Variants in DPP6 observed in about 807,000 individuals in gnomAD.
DPP6 encodes the protein dipeptidyl peptidase like 6.
In DPP6, 69 loss-of-function variants were observed where a neutral mutation model predicts 122.6. The observed-to-expected ratio is 0.56, with a 90% CI of 0.46 to 0.69. DPP6 has a LOEUF of 0.69. Among genes scored for constraint, DPP6 ranks in the 30% least tolerant of loss-of-function variants. DPP6 has a pLI of 0.00. For synonymous variants in DPP6, 418 were observed against 433.1 expected, an observed-to-expected ratio of 0.97 and a Z score of 0.43; for missense variants, 928 against 1,116.9, an observed-to-expected ratio of 0.83 and a Z score of 2.41.
chr7:154,467,103 C>T (rs986674147), intron 2 of DPP6, among the ~76,000 whole-genome samples: 31 of 152,190 alleles, frequency 2.0e-4, no homozygotes, highest in African/African-American at 7.0e-4. Context: ...TTCCAAACAA[C>T]TTCTAAATTC....
chr7:154,142,023 A>G (rs962217515), intron 1 of DPP6, among the ~76,000 whole-genome samples: 4 of 152,240 alleles, frequency 2.6e-5, no homozygotes, highest in African/African-American at 9.6e-5. Context: ...GATTCTAGCT[A>G]AAGTTTATGC....
chr7:154,522,336 C>G (rs564170810), intron 3 of DPP6, among the ~76,000 whole-genome samples: 6 of 152,148 alleles, frequency 3.9e-5, no homozygotes, highest in Non-Finnish European at 7.3e-5. Flanking sequence ...GTCAGGTTAT[C>G]CCGCCACGTA....
At chr7:154,262,770 C>T (rs7384911) in intron 1 of DPP6, among the ~76,000 whole-genome samples, 53,143 of 151,692 alleles carry the variant, frequency 0.35, 9,985 homozygotes, top group Non-Finnish European at 0.44. Flanking sequence ...AATGCAGCTT[C>T]TCTGATTTTG....
intron 1 of DPP6, 58 bp downstream of exon 1, chr7:154,053,121 G>A (rs1430238877): frequency 4.3e-5 from 44 of 1,015,510 alleles, no homozygotes; most frequent in Non-Finnish European, 5.1e-5. Context: ...AGCGCGCAGC[G>A]AGACGCGTCG....
At chr7:154,440,409 C>T (rs1819270404) in intron 1 of DPP6, among the ~76,000 whole-genome samples, 2 of 152,264 alleles carry the variant, frequency 1.3e-5, no homozygotes, top group Admixed American at 6.5e-5. Flanking sequence ...AGGAAAGGAG[C>T]ATCTCGGGGA....
chr7:154,204,099 C>T (rs1408012244), intron 1 of DPP6, among the ~76,000 whole-genome samples: 1 of 152,166 alleles, frequency 6.6e-6, no homozygotes, highest in African/African-American at 2.4e-5. Flanking sequence ...ATTTACCTGC[C>T]TGGTCATCCT....
chr7:153,757,512 TCG>T, the DPP6 span, among the ~76,000 whole-genome samples: 42 of 152,132 alleles, frequency 2.8e-4, no homozygotes, highest in African/African-American at 9.7e-4. Context: ...ATCAGTAGAC[TCG>T]ATCTTAGCAT....
the DPP6 span, among the ~76,000 whole-genome samples, chr7:153,803,732 T>C: frequency 1.3e-5 from 2 of 151,466 alleles, no homozygotes; most frequent in African/African-American, 4.8e-5. Flanking sequence ...ATACAATATG[T>C]AAAATCTCCT....
At chr7:153,866,689 A>G in the DPP6 span, among the ~76,000 whole-genome samples, 36 of 152,240 alleles carry the variant, frequency 2.4e-4, 1 homozygote, top group East Asian at 5.6e-3. Flanking sequence ...TTTTGTTGCC[A>G]TTGCTTTTGG....
Position 154,486,538 on chromosome 7 carries a change from C to G in DPP6, c.457+11501C>G, listed in dbSNP as rs1001540828. On this transcript the variant is annotated intron_variant, in intron 3 of 25. Transcript: ENST00000377770. The surrounding 1 kb of genome is among the most constrained non-coding windows in gnomAD (Gnocchi z 4.5). The stretch of plus-strand genomic sequence containing the variant: ...GAAAATACCGTTGCTCATCACTTCT[C>G]TGCTTCAGAAAGTCTCATTAATCCT... 6.6e-6 allele frequency among the ~76,000 whole-genome samples: 1 copy of G among 152,218 alleles called. No individual in the cohort carries two copies. Among genetic ancestry groups the G allele is most frequent in the African/African-American group, 2.4e-5 (1 of 41,456 alleles).
intron 1 of DPP6, among the ~76,000 whole-genome samples, chr7:154,363,609 C>A (rs1473487784): frequency 2.0e-5 from 3 of 152,082 alleles, no homozygotes; most frequent in Admixed American, 1.3e-4. Flanking sequence ...TGTCTGAGCA[C>A]GTGCGCGGAA....
chr7:154,764,798 G>A (rs1795799681), intron 8 of DPP6, among the ~76,000 whole-genome samples: 1 of 152,132 alleles, frequency 6.6e-6, no homozygotes, highest in Admixed American at 6.5e-5. Flanking sequence ...CTATACCCTA[G>A]GGAATTGTGT....
chr7:154,124,354 G>T (rs1807722543), intron 1 of DPP6, among the ~76,000 whole-genome samples: 1 of 152,090 alleles, frequency 6.6e-6, no homozygotes, highest in Non-Finnish European at 1.5e-5. Context: ...GGGGAGGAGG[G>T]TGAGAGCATG....
intron 1 of DPP6, among the ~76,000 whole-genome samples, chr7:154,260,869 C>T (rs1289392160): frequency 6.6e-6 from 1 of 151,380 alleles, no homozygotes; most frequent in African/African-American, 2.4e-5. Context: ...ATTGCTAGAT[C>T]AAATGGTAGT....
At chr7:154,211,730 C>T (rs1192242222) in intron 1 of DPP6, among the ~76,000 whole-genome samples, 1 of 152,166 alleles carries the variant, frequency 6.6e-6, no homozygotes, top group Non-Finnish European at 1.5e-5. Context: ...CAGTGGCCCT[C>T]GTGCAACTGC....
At chr7:154,089,018 T>C (rs1048331798) in intron 1 of DPP6, among the ~76,000 whole-genome samples, 1 of 151,996 alleles carries the variant, frequency 6.6e-6, no homozygotes, top group African/African-American at 2.4e-5. Flanking sequence ...AGCCCAGAAG[T>C]CACAGAGCCA....
chr7:154,205,189 G>C (rs986374108), intron 1 of DPP6, among the ~76,000 whole-genome samples: 26 of 151,810 alleles, frequency 1.7e-4, no homozygotes, highest in African/African-American at 6.0e-4. Context: ...AGATTCACAT[G>C]CACTTACAGG....
intron 2 of DPP6, among the ~76,000 whole-genome samples, chr7:154,471,292 A>G (rs1219280893): frequency 6.6e-6 from 1 of 152,182 alleles, no homozygotes; most frequent in Admixed American, 6.5e-5. Context: ...CTTTCTCAAA[A>G]ACAAGAACAG....
At chr7:154,233,238 A>C (rs745877220) in intron 1 of DPP6, among the ~76,000 whole-genome samples, 1 of 152,206 alleles carries the variant, frequency 6.6e-6, no homozygotes, top group Non-Finnish European at 1.5e-5. Context: ...TGTCTTTATA[A>C]ATTCGATGTA....
Sources: gnomAD v4.1 joint callset for allele counts (sites outside exome capture counted in the v4.1 genomes callset) on GRCh38, gnomAD v4.1.1 for gene constraint, Gnocchi (gnomAD v3.1) non-coding constraint, MANE v1.5 for transcripts, NCBI Gene and HGNC (gene_info 2026-07-23, HGNC 2026-07-21) for gene names.